The following RANBP2 variants were observed in gnomAD, a reference collection of about 807,000 sequenced individuals.
RANBP2 encodes the protein E3 SUMO-protein ligase RanBP2.
RANBP2 carries 57 observed loss-of-function variants against 303.6 expected under a neutral mutation model. The ratio of observed to expected loss-of-function variants is 0.19; its 90% CI spans 0.15 to 0.23. RANBP2 has a LOEUF of 0.23. Among genes scored for constraint, RANBP2 ranks in the 10% least tolerant of loss-of-function variants. The pLI is 1.00. For synonymous variants in RANBP2, 1,167 were observed against 1,301.5 expected, an observed-to-expected ratio of 0.90 and a Z score of 2.23; for missense variants, 3,138 against 3,780.8, an observed-to-expected ratio of 0.83 and a Z score of 4.46.
At chr2:108,893,505 C>T in the RANBP2 span, among the ~76,000 whole-genome samples, 2 of 152,162 alleles carry the variant, frequency 1.3e-5, no homozygotes, top group Non-Finnish European at 2.9e-5. Flanking sequence ...TATGGGATGA[C>T]TCACTGGGGA....
chr2:109,172,930 T>C, the RANBP2 span, among the ~76,000 whole-genome samples: 2 of 152,342 alleles, frequency 1.3e-5, no homozygotes, highest in East Asian at 3.9e-4. Flanking sequence ...TGGGTATAAC[T>C]GTTGTGTGAC....
At chr2:109,325,754 G>T in the RANBP2 span, among the ~76,000 whole-genome samples, 3 of 152,188 alleles carry the variant, frequency 2.0e-5, no homozygotes, top group Non-Finnish European at 4.4e-5. Context: ...GACTCTACCA[G>T]CCTGGAGTAG....
At chr2:109,215,729 C>T in the RANBP2 span, among the ~76,000 whole-genome samples, 6 of 152,216 alleles carry the variant, frequency 3.9e-5, no homozygotes, top group African/African-American at 7.2e-5. Flanking sequence ...TGAACTGCCA[C>T]TGCTAGGACA....
chr2:108,914,828 G>A, the RANBP2 span, among the ~76,000 whole-genome samples: 24 of 152,286 alleles, frequency 1.6e-4, 1 homozygote, highest in South Asian at 4.8e-3. Context: ...CCCCAGCCTG[G>A]CCCAGCCCAG....
chr2:108,930,392 C>G, the RANBP2 span: 6 of 794,844 alleles, frequency 7.5e-6, no homozygotes, highest in African/African-American at 1.0e-4. Context: ...CTTGTGAGTG[C>G]TCACTGCTGC....
the RANBP2 span, among the ~76,000 whole-genome samples, chr2:109,431,562 A>G: frequency 6.6e-6 from 1 of 152,330 alleles, no homozygotes. Flanking sequence ...GATTTTCACC[A>G]CTAAATTTGC....
At chr2:109,251,168 A>C in the RANBP2 span, among the ~76,000 whole-genome samples, 1 of 151,758 alleles carries the variant, frequency 6.6e-6, no homozygotes, top group East Asian at 1.9e-4. Flanking sequence ...ATGCCTGGCT[A>C]ATTTTTTTAT....
rs960749765 is a variant in RANBP2 at position 108,736,038 on chromosome 2, C to T, written c.637-66C>T. ...TGGAGTGAGAAAAGGAATTTGTAGG[C>T]TTAAAATGATTAATTTCTTAACATT... On this transcript the variant is annotated intron_variant, in intron 5 of 28. Transcript: ENST00000283195. The T allele has an allele frequency of 2.5e-5, 41 of 1,611,206 alleles. No individual in the cohort carries two copies. The African/African-American group carries it at 3.2e-4, about 13-fold the overall frequency.
At chr2:109,008,904 A>C in the RANBP2 span, among the ~76,000 whole-genome samples, 1 of 150,612 alleles carries the variant, frequency 6.6e-6, no homozygotes, top group East Asian at 2.0e-4. Flanking sequence ...ATCTCAAAAA[A>C]AAAAAAGAAA....
the RANBP2 span, among the ~76,000 whole-genome samples, chr2:109,439,004 G>T: frequency 6.6e-6 from 1 of 152,164 alleles, no homozygotes; most frequent in Non-Finnish European, 1.5e-5. Flanking sequence ...CAGTGCAGTG[G>T]CCCTGGGTTG....
At chr2:109,052,794 C>T in the RANBP2 span, among the ~76,000 whole-genome samples, 8 of 152,160 alleles carry the variant, frequency 5.3e-5, no homozygotes, top group African/African-American at 1.9e-4. Flanking sequence ...GCCACCCGGC[C>T]CGGCCTGTCT....
the RANBP2 span, among the ~76,000 whole-genome samples, chr2:109,516,537 C>T: frequency 0.085 from 12,916 of 152,254 alleles, 1,029 homozygotes; most frequent in East Asian, 0.24. Context: ...TCAGGCAGGG[C>T]ACAGGCAAGG....
chr2:109,444,048 C>G, the RANBP2 span, among the ~76,000 whole-genome samples: 1 of 152,122 alleles, frequency 6.6e-6, no homozygotes, highest in Non-Finnish European at 1.5e-5. Context: ...AAACTACATT[C>G]CCTGACCACA....
chr2:109,220,983 G>A, the RANBP2 span, among the ~76,000 whole-genome samples: 1 of 152,198 alleles, frequency 6.6e-6, no homozygotes, highest in Non-Finnish European at 1.5e-5. Flanking sequence ...GTTCATAATT[G>A]CATTATTCAT....
the RANBP2 span, among the ~76,000 whole-genome samples, chr2:109,021,384 G>A: frequency 5.9e-5 from 9 of 152,106 alleles, no homozygotes; most frequent in Non-Finnish European, 1.0e-4. Flanking sequence ...GTAGCCGGGC[G>A]TGGTGGTGGG....
At chr2:109,547,017 G>T in the RANBP2 span, among the ~76,000 whole-genome samples, 15 of 152,288 alleles carry the variant, frequency 9.8e-5, no homozygotes, top group South Asian at 2.5e-3. Flanking sequence ...GGCGCCTAAA[G>T]GCAGGATACA....
At chr2:109,152,350 T>C in the RANBP2 span, among the ~76,000 whole-genome samples, 64 of 152,330 alleles carry the variant, frequency 4.2e-4, no homozygotes, top group African/African-American at 1.5e-3. Context: ...CCCTGGTGCA[T>C]TTGGCAAATC....
At chr2:109,426,767 C>A in the RANBP2 span, among the ~76,000 whole-genome samples, 1 of 152,118 alleles carries the variant, frequency 6.6e-6, no homozygotes, top group Non-Finnish European at 1.5e-5. Context: ...ATAGAGAAAT[C>A]TATCATGAAA....
At chr2:109,539,434 C>T in the RANBP2 span, among the ~76,000 whole-genome samples, 2 of 152,072 alleles carry the variant, frequency 1.3e-5, no homozygotes, top group African/African-American at 2.4e-5. Flanking sequence ...GAAGTCAACC[C>T]GTGAAGCCTG....
Sources: allele counts gnomAD v4.1 joint callset (sites outside exome capture counted in the v4.1 genomes callset), GRCh38; gene constraint gnomAD v4.1.1; transcripts MANE v1.5; gene names NCBI Gene and HGNC (gene_info 2026-07-23, HGNC 2026-07-21).